TTC28: variants seen among roughly 807,000 people sequenced by gnomAD.
The protein encoded by TTC28 is tetratricopeptide repeat protein 28.
TTC28 carries 61 observed loss-of-function variants against 198.0 expected under a neutral mutation model. That is an observed-to-expected ratio of 0.31 (90% CI 0.25 to 0.38). The LOEUF is 0.38. Ranked by LOEUF, TTC28 falls within the 10% of genes least tolerant of loss-of-function variation. The probability of loss-of-function intolerance (pLI) is 1.00; values close to 1 mark genes in which losing one functional copy is unlikely to be tolerated. For missense variants in TTC28, 2,678 were observed against 3,164.0 expected (o/e 0.85, Z 3.69); for synonymous variants, 1,171 against 1,297.8 (o/e 0.90, Z 2.10).
chr22:28,082,553 T>C (rs992793759), intron 12 of TTC28, among the ~76,000 whole-genome samples: 3 of 152,232 alleles, frequency 2.0e-5, no homozygotes, highest in South Asian at 2.1e-4. Flanking sequence ...ATTACGCTGA[T>C]TGATATTCAC....
intron 2 of TTC28, among the ~76,000 whole-genome samples, chr22:28,526,084 C>T (rs769650468): frequency 5.9e-5 from 9 of 152,220 alleles, no homozygotes; most frequent in East Asian, 1.9e-4. Context: ...AAGTACGGGA[C>T]GGGGCTGTGG....
chr22:28,648,828 G>A (rs557657136), intron 1 of TTC28, among the ~76,000 whole-genome samples: 1 of 152,260 alleles, frequency 6.6e-6, no homozygotes, highest in East Asian at 1.9e-4. Context: ...AGAATTGCTG[G>A]AGCCTATGAG....
chr22:28,293,535 G>A (rs560948119), intron 5 of TTC28, among the ~76,000 whole-genome samples: 1 of 152,120 alleles, frequency 6.6e-6, no homozygotes, highest in East Asian at 1.9e-4. Flanking sequence ...GGATAAATAA[G>A]TTCTAGAGCT....
In TTC28 at chr22:28,070,400, C is replaced by T. The variant is rs946836022; in HGVS notation, c.3932+23680G>A. On this transcript the variant is annotated intron_variant, in intron 12 of 22. Coordinates refer to ENST00000397906, the MANE Select transcript of TTC28 (RefSeq NM_001145418.2). Reference sequence around the variant, plus strand: ...GTAGAAACCCAAAAAAGTAAGACTACTCAAGCCTAACAAATAGATTTTTTT... The same window carrying T: ...GTAGAAACCCAAAAAAGTAAGACTATTCAAGCCTAACAAATAGATTTTTTT... Among the ~76,000 whole-genome samples, 5 of 152,180 alleles carry T rather than the reference C, an allele frequency of 3.3e-5. No homozygotes were observed. In the East Asian group the frequency reaches 5.8e-4, roughly 18 times the overall value.
At chr22:28,178,851 A>C (rs1039371787) in intron 5 of TTC28, among the ~76,000 whole-genome samples, 2 of 152,228 alleles carry the variant, frequency 1.3e-5, no homozygotes, top group Non-Finnish European at 2.9e-5. Flanking sequence ...CATATCCAAA[A>C]GTACACAATT....
chr22:28,192,428 A>C (rs1924909273), intron 5 of TTC28, among the ~76,000 whole-genome samples: 1 of 152,194 alleles, frequency 6.6e-6, no homozygotes, highest in South Asian at 2.1e-4. Flanking sequence ...AACGGAACAA[A>C]GCTGGATGGA....
At chr22:28,607,921 C>G (rs1373838031) in intron 2 of TTC28, among the ~76,000 whole-genome samples, 1 of 152,184 alleles carries the variant, frequency 6.6e-6, no homozygotes, top group Non-Finnish European at 1.5e-5. Context: ...TTCCATTTCC[C>G]TCACAGTGGT....
At chr22:28,171,972 C>T (rs879501659) in intron 5 of TTC28, among the ~76,000 whole-genome samples, 16 of 152,116 alleles carry the variant, frequency 1.1e-4, no homozygotes, top group Non-Finnish European at 1.9e-4. Flanking sequence ...CATACCCTAT[C>T]CCCCAAATCT....
At chr22:28,184,627 G>T (rs1437622745) in intron 5 of TTC28, among the ~76,000 whole-genome samples, 1 of 151,582 alleles carries the variant, frequency 6.6e-6, no homozygotes, top group Non-Finnish European at 1.5e-5. Context: ...ATTATTTTTT[G>T]ATTTGCTTAG....
intron 2 of TTC28, among the ~76,000 whole-genome samples, chr22:28,585,999 A>C (rs1452325196): frequency 6.6e-5 from 10 of 151,796 alleles, no homozygotes; most frequent in Non-Finnish European, 1.3e-4. Flanking sequence ...AAGAAGAAGA[A>C]GCCGGGTGCG....
intron 5 of TTC28, among the ~76,000 whole-genome samples, chr22:28,199,383 T>TTA (rs34398046): frequency 0.021 from 2,442 of 118,094 alleles, 36 homozygotes; most frequent in East Asian, 0.028. Flanking sequence ...ACATTAAAAA[T>TTA]TATATATATA....
At chr22:28,018,561 C>A (rs1201501713) in intron 13 of TTC28, among the ~76,000 whole-genome samples, 1 of 152,218 alleles carries the variant, frequency 6.6e-6, no homozygotes, top group Admixed American at 6.5e-5. Context: ...GCCCACGCCT[C>A]TTCCTTAGTA....
chr22:28,180,336 T>G (rs900030204), intron 5 of TTC28, among the ~76,000 whole-genome samples: 1 of 152,216 alleles, frequency 6.6e-6, no homozygotes, highest in African/African-American at 2.4e-5. Flanking sequence ...ATAAATTTTA[T>G]AATCTATATT....
intron 6 of TTC28, among the ~76,000 whole-genome samples, chr22:28,124,566 G>A (rs575643338): frequency 3.3e-5 from 5 of 152,166 alleles, no homozygotes; most frequent in African/African-American, 4.8e-5. Context: ...AGAACTTGCC[G>A]TAGGTCACAC....
At chr22:28,061,008 TA>T (rs1940509920) in intron 12 of TTC28, among the ~76,000 whole-genome samples, 1 of 152,228 alleles carries the variant, frequency 6.6e-6, no homozygotes, top group Admixed American at 6.5e-5. Context: ...GTTGGCTGCA[TA>T]AATGTCTTCC....
At chr22:28,414,797 TCA>T (rs1162743524) in intron 2 of TTC28, among the ~76,000 whole-genome samples, 3 of 152,154 alleles carry the variant, frequency 2.0e-5, no homozygotes, top group African/African-American at 2.4e-5. Context: ...TCTAATAAAT[TCA>T]CAGTCTATAT....
At chr22:28,071,541 A>G (rs1940967369) in intron 12 of TTC28, among the ~76,000 whole-genome samples, 1 of 142,240 alleles carries the variant, frequency 7.0e-6, no homozygotes, top group Non-Finnish European at 1.5e-5. Context: ...ATGAGATCAC[A>G]TGGACACATG....
At chr22:28,178,570 G>A (rs892703246) in intron 5 of TTC28, among the ~76,000 whole-genome samples, 6 of 152,146 alleles carry the variant, frequency 3.9e-5, no homozygotes, top group South Asian at 2.1e-4. Flanking sequence ...GAAACAGCAT[G>A]AGCAAAGACA....
At chr22:28,638,959 C>A (rs1462795937) in intron 1 of TTC28, among the ~76,000 whole-genome samples, 1 of 152,204 alleles carries the variant, frequency 6.6e-6, no homozygotes, top group African/African-American at 2.4e-5. Context: ...AGCCACCAAG[C>A]CTTGCCTGAT....
Sources: allele counts gnomAD v4.1 joint callset (sites outside exome capture counted in the v4.1 genomes callset), GRCh38; gene constraint gnomAD v4.1.1; transcripts MANE v1.5; gene names NCBI Gene and HGNC (gene_info 2026-07-23, HGNC 2026-07-21).